The following TASP1 variants were observed in gnomAD, a reference collection of about 807,000 sequenced individuals.
The protein encoded by TASP1 is taspase 1, also known as threonine aspartase 1.
TASP1 carries 16 observed loss-of-function variants against 56.6 expected under a neutral mutation model. That is an observed-to-expected ratio of 0.28 (90% CI 0.19 to 0.43). TASP1 has a LOEUF of 0.43. Ranked by LOEUF, TASP1 falls within the 20% of genes least tolerant of loss-of-function variation. TASP1 has a pLI of 1.00. For synonymous variants in TASP1, 179 were observed against 184.2 expected (o/e 0.97, Z 0.23); for missense variants, 393 against 511.6 (o/e 0.77, Z 2.24).
the TASP1 span, among the ~76,000 whole-genome samples, chr20:13,346,071 C>T: frequency 6.6e-6 from 1 of 152,046 alleles, no homozygotes; most frequent in Non-Finnish European, 1.5e-5. Context: ...ATCTGACTGT[C>T]TTCTGCTTCA....
the TASP1 span, among the ~76,000 whole-genome samples, chr20:13,208,009 A>C: frequency 7.2e-5 from 11 of 152,238 alleles, 1 homozygote; most frequent in East Asian, 2.1e-3. Flanking sequence ...TGAGAATAAA[A>C]CTTATACCCT....
At chr20:13,260,198 T>C in the TASP1 span, among the ~76,000 whole-genome samples, 3 of 152,352 alleles carry the variant, frequency 2.0e-5, no homozygotes, top group Middle Eastern at 3.4e-3. Flanking sequence ...TCTTCACCTC[T>C]GGCCATATGT....
chr20:13,261,883 C>A, the TASP1 span, among the ~76,000 whole-genome samples: 1 of 152,222 alleles, frequency 6.6e-6, no homozygotes, highest in African/African-American at 2.4e-5. Context: ...TTTCCAGGTT[C>A]TCCCTCTCAC....
At chr20:13,254,775 G>T in the TASP1 span, among the ~76,000 whole-genome samples, 1 of 152,314 alleles carries the variant, frequency 6.6e-6, no homozygotes, top group Non-Finnish European at 1.5e-5. Flanking sequence ...TTCCACCTCT[G>T]CCAGAGCTTC....
chr20:13,452,997 G>A (rs932703129), intron 11 of TASP1, among the ~76,000 whole-genome samples: 1 of 152,036 alleles, frequency 6.6e-6, no homozygotes, highest in African/African-American at 2.4e-5. Flanking sequence ...GGCAGTGCTG[G>A]GAAAAGAGCC....
the TASP1 span, among the ~76,000 whole-genome samples, chr20:13,135,963 C>T: frequency 1.3e-3 from 191 of 152,152 alleles, no homozygotes; most frequent in African/African-American, 4.1e-3. Context: ...CCAGTAATGT[C>T]GGAAAGGGAA....
the TASP1 span, among the ~76,000 whole-genome samples, chr20:13,153,816 T>G: frequency 6.6e-6 from 1 of 152,204 alleles, no homozygotes; most frequent in South Asian, 2.1e-4. Flanking sequence ...GCCTTCCAGG[T>G]GCAAGGTAGT....
chr20:13,595,173 T>C (rs1429385176), intron 4 of TASP1, among the ~76,000 whole-genome samples: 1 of 152,082 alleles, frequency 6.6e-6, no homozygotes, highest in South Asian at 2.1e-4. Flanking sequence ...GACAAGCAAA[T>C]GCTGAGAGAT....
At chr20:13,544,028 A>C (rs1005398708) in intron 8 of TASP1, among the ~76,000 whole-genome samples, 1 of 152,182 alleles carries the variant, frequency 6.6e-6, no homozygotes, top group Non-Finnish European at 1.5e-5. Flanking sequence ...CATAATAACC[A>C]AACCAAAATC....
intron 5 of TASP1, among the ~76,000 whole-genome samples, chr20:13,582,988 G>A (rs973644813): frequency 1.3e-5 from 2 of 152,194 alleles, no homozygotes; most frequent in African/African-American, 4.8e-5. Context: ...CCTGTACTAA[G>A]TGCCCACAGG....
chr20:13,560,319 A>C (rs1288110067), intron 7 of TASP1, among the ~76,000 whole-genome samples: 1 of 152,224 alleles, frequency 6.6e-6, no homozygotes, highest in Non-Finnish European at 1.5e-5. Context: ...GCACTAAGCT[A>C]AATTCTTGGG....
chr20:13,285,595 T>C, the TASP1 span, among the ~76,000 whole-genome samples: 1 of 152,196 alleles, frequency 6.6e-6, no homozygotes, highest in Non-Finnish European at 1.5e-5. Context: ...ACGGGCACTT[T>C]GTATACCTCA....
At chr20:13,528,767 T>A (rs2045094077) in intron 9 of TASP1, among the ~76,000 whole-genome samples, 1 of 152,100 alleles carries the variant, frequency 6.6e-6, no homozygotes, top group Non-Finnish European at 1.5e-5. Context: ...TCAGCAGTAA[T>A]TTTTTCCTTC....
intron 8 of TASP1, among the ~76,000 whole-genome samples, chr20:13,539,884 C>T (rs1241930217): frequency 2.0e-5 from 3 of 152,118 alleles, no homozygotes; most frequent in Non-Finnish European, 4.4e-5. Flanking sequence ...GAATTGGAAG[C>T]TTTTCTCTTT....
chr20:13,278,923 G>A, the TASP1 span, among the ~76,000 whole-genome samples: 1 of 152,178 alleles, frequency 6.6e-6, no homozygotes, highest in Non-Finnish European at 1.5e-5. Flanking sequence ...TCTAGGCTAA[G>A]CTTCCTTACA....
At chr20:13,220,471 C>A in the TASP1 span, among the ~76,000 whole-genome samples, 1 of 152,234 alleles carries the variant, frequency 6.6e-6, no homozygotes, top group East Asian at 1.9e-4. Flanking sequence ...CGCCAGCCCC[C>A]AAATCCCCTC....
chr20:13,284,955 T>C, the TASP1 span, among the ~76,000 whole-genome samples: 24 of 152,322 alleles, frequency 1.6e-4, no homozygotes, highest in African/African-American at 5.3e-4. Flanking sequence ...GGGAGGATTT[T>C]ATGGGGTATT....
chr20:13,469,569 A>G lies in TASP1; in HGVS notation c.985+13658T>C, dbSNP rs1448245258. On this transcript the variant is annotated intron_variant, in intron 11 of 13. Transcript: ENST00000337743. ...CTATTTGTAAGAAGAAAGGAAGAAGAGAAAAATAATTGAACTTCCCACACA... is the reference window on the plus strand; with the variant it reads ...CTATTTGTAAGAAGAAAGGAAGAAGGGAAAAATAATTGAACTTCCCACACA... Among the ~76,000 whole-genome samples the G allele has an allele frequency of 2.0e-5, 3 of 152,138 alleles. No individual in the cohort carries two copies. In the East Asian group the frequency reaches 5.8e-4, roughly 29 times the overall value.
intron 12 of TASP1, 86 bp from the exon 13 acceptor site, chr20:13,417,607 G>A: frequency 7.1e-7 from 1 of 1,404,386 alleles, no homozygotes; most frequent in Admixed American, 2.0e-5. Context: ...GTTAAAGATA[G>A]CTTTATATTT....
Sources: allele counts gnomAD v4.1 joint callset (sites outside exome capture counted in the v4.1 genomes callset), GRCh38; gene constraint gnomAD v4.1.1; transcripts MANE v1.5; gene names NCBI Gene and HGNC (gene_info 2026-07-23, HGNC 2026-07-21).